The following SLC46A1 variants were observed in gnomAD, a reference collection of about 807,000 sequenced individuals.
SLC46A1 encodes the protein proton-coupled folate transporter.
A neutral mutation model predicts 32.1 loss-of-function variants in SLC46A1; 17 were observed. That is an observed-to-expected ratio of 0.53 (90% CI 0.36 to 0.79). The LOEUF (loss-of-function observed/expected upper bound fraction) is 0.79. SLC46A1 is among the 30% of genes least tolerant of loss of function. The pLI is 0.00. For missense variants in SLC46A1, 517 were observed against 588.2 expected (o/e 0.88, Z 1.25); for synonymous variants, 240 against 262.7 (o/e 0.91, Z 0.84).
chr17:28,401,071 G>T, intron 3 of SLC46A1: 1 of 387,534 alleles, frequency 2.6e-6, no homozygotes, highest in Non-Finnish European at 4.9e-6. Context: ...TCTGATGAAA[G>T]CTTGATGGAA....
Position 28,405,121 on chromosome 17 carries a change from C to T in SLC46A1, c.576G>A (p.Gly192=). 1.9e-6 allele frequency: 3 copies of T among 1,613,140 alleles called. No homozygotes were observed. The South Asian group carries it at 3.3e-5, about 18-fold the overall frequency. Residue 192 remains glycine (G), a synonymous_variant, in exon 2 of 5, where the codon GGG becomes GGA. Coordinates refer to ENST00000612814, the MANE Select transcript of SLC46A1 (RefSeq NM_080669.6). The stretch of plus-strand genomic sequence containing the variant: ...GGCCCCCGAGGAGGCTTGCCAGCAT[C>T]CCAGCCACCCCGATGCTGGCTTCCA... ...ALLEASIGVA[G]MLASLLGGHW...
Position 28,399,374 on chromosome 17 carries a change from A to G in SLC46A1, c.*282T>C. ...CCTCTGGCCTGTGGGGTTATAAGTGATGGATAGCAGAAAGGGAGAACTGAC... is the reference window on the plus strand; with the variant it reads ...CCTCTGGCCTGTGGGGTTATAAGTGGTGGATAGCAGAAAGGGAGAACTGAC... On this transcript the variant is annotated 3_prime_UTR_variant, in exon 5 of 5. Coordinates refer to ENST00000612814, the MANE Select transcript of SLC46A1 (RefSeq NM_080669.6). The G allele has an allele frequency of 4.4e-6, 2 of 457,446 alleles. No individual in the cohort carries two copies. Among genetic ancestry groups the G allele is most frequent in the Non-Finnish European group, 4.0e-6 (1 of 249,710 alleles). 28.3% of individuals were successfully genotyped at this position (457,446 alleles called of 1,614,324 possible).
At chr17:28,402,405 C>T in intron 2 of SLC46A1, 84 bp from the exon 3 acceptor site, 2 of 1,203,052 alleles carry the variant, frequency 1.7e-6, no homozygotes, top group South Asian at 1.3e-5. Flanking sequence ...CCTATCCATA[C>T]CCCACGTGGG....
In SLC46A1 at chr17:28,405,147, G is replaced by A. The variant is rs782404994; in HGVS notation, c.550C>T (p.Leu184=). 1.9e-6 allele frequency: 3 copies of A among 1,612,064 alleles called. No individual in the cohort carries two copies. Among genetic ancestry groups the A allele is most frequent in the African/African-American group, 2.7e-5 (2 of 74,892 alleles). ...SRSRTFRMAL[L]EASIGVAGML... is the part of the protein sequence containing the mutation. ...CCAGCCACCCCGATGCTGGCTTCCA[G>A]CAGGGCCATCCGGAAGGTGCGGCTG... Residue 184 remains leucine, a synonymous_variant, in exon 2 of 5, where the codon CTG becomes TTG. Coordinates refer to ENST00000612814, the MANE Select transcript of SLC46A1 (RefSeq NM_080669.6).
upstream of SLC46A1, chr17:28,406,480 C>T: frequency 4.4e-6 from 1 of 225,222 alleles, no homozygotes; most frequent in Non-Finnish European, 8.6e-6. This position sits in a 1 kb window ranked among gnomAD's most constrained non-coding sequence, Gnocchi z 4.5. Context: ...CGGTATTAAA[C>T]CCTTTTTGTG....
chr17:28,400,903 A>G (rs2068189210), intron 3 of SLC46A1, 137 bp from the exon 4 acceptor site: 1 of 772,786 alleles, frequency 1.3e-6, no homozygotes, highest in Non-Finnish European at 2.2e-6. Flanking sequence ...ATCCTGCTAC[A>G]TCATGTACTG....
In SLC46A1 at chr17:28,405,447, G is replaced by C. The variant is rs1555591076; in HGVS notation, c.250C>G (p.His84Asp). 6.3e-7 allele frequency: 1 copy of C among 1,596,176 alleles called. No homozygotes were observed. The highest frequency in any genetic ancestry group is 1.7e-5 in the Admixed American group (1 of 57,822). ...CCCACGTTCATGTAGAGGGTCCAGTGGGAGGTAAGGGTCTCCACTTCCTGT... is the reference window on the plus strand; with the variant it reads ...CCCACGTTCATGTAGAGGGTCCAGTCGGAGGTAAGGGTCTCCACTTCCTGT... Reference protein sequence around the residue: ...TMQEVETLTSHWTLYMNVGGF... With the variant: ...TMQEVETLTSDWTLYMNVGGF... Residue 84 changes from histidine (H) to aspartate (D), a missense_variant, in exon 2 of 5, where the codon CAC becomes GAC. Coordinates refer to ENST00000612814, the MANE Select transcript of SLC46A1 (RefSeq NM_080669.6).
At chr17:28,402,502 G>T (rs1336705969) in intron 2 of SLC46A1, 181 bp from the exon 3 acceptor site, 6 of 537,998 alleles carry the variant, frequency 1.1e-5, no homozygotes, top group Non-Finnish European at 1.7e-5. Flanking sequence ...CCTTGTCTGG[G>T]CTTGGCCACC....
In SLC46A1 at chr17:28,399,272, C is replaced by T; in HGVS notation, c.*384G>A. The T allele has an allele frequency of 4.5e-6, 1 of 224,364 alleles. No individual in the cohort carries two copies. Among genetic ancestry groups the T allele is most frequent in the Non-Finnish European group, 9.0e-6 (1 of 110,670 alleles). The allele number at this position is 224,364 out of a possible 1,614,324, so 13.9% of individuals were successfully genotyped here. A position where few individuals can be genotyped will look rare whatever the true frequency, so the allele number is the denominator to read the frequency against. The stretch of plus-strand genomic sequence containing the variant: ...TGTTGGGAACCTGGTTGGGGCTGTG[C>T]AGTTTGGGCTGGAAGGAGAGATGCC... On this transcript the variant is annotated 3_prime_UTR_variant, in exon 5 of 5. Coordinates refer to ENST00000612814, the MANE Select transcript of SLC46A1 (RefSeq NM_080669.6).
At position 28,400,595 on chromosome 17, in the gene SLC46A1, A is replaced by G; in HGVS notation, c.1322+15T>C. On this transcript the variant is annotated intron_variant, in intron 4 of 4. Coordinates refer to ENST00000612814, the MANE Select transcript of SLC46A1 (RefSeq NM_080669.6). Reference sequence around the variant, plus strand: ...AGGGCTCCATTATGAGCATGGGTTCAGGGCCCTGCATTACCCAATCAGAAC... The same window carrying G: ...AGGGCTCCATTATGAGCATGGGTTCGGGGCCCTGCATTACCCAATCAGAAC... The G allele has an allele frequency of 1.2e-6, 2 of 1,613,502 alleles. No homozygotes were observed. Among genetic ancestry groups the G allele is most frequent in the East Asian group, 2.2e-5 (1 of 44,870 alleles).
Position 28,395,779 on chromosome 17 carries a change from G to GGACATCAGGACCCTT in SLC46A1, c.*3876_*3877insAAGGGTCCTGATGTC. Reference sequence around the variant, plus strand: ...CAAGGGTTAAGGTAGACATCAAGGTGGACATCAGGACTGGTGTCCTGCCCT... The same window carrying GGACATCAGGACCCTT: ...CAAGGGTTAAGGTAGACATCAAGGTGGACATCAGGACCCTTGACATCAGGACTGGTGTCCTGCCCT... On this transcript the variant is annotated 3_prime_UTR_variant, in exon 5 of 5. Coordinates refer to ENST00000612814, the MANE Select transcript of SLC46A1 (RefSeq NM_080669.6). 1 of 913,344 alleles carries GGACATCAGGACCCTT rather than the reference G, an allele frequency of 1.1e-6. No homozygotes were observed. The highest frequency in any genetic ancestry group is 2.4e-5 in the East Asian group (1 of 41,296). 56.6% of individuals were successfully genotyped at this position (913,344 alleles called of 1,614,324 possible). A position where few individuals can be genotyped will look rare whatever the true frequency, so the allele number is the denominator to read the frequency against.
At position 28,395,625 on chromosome 17, in the gene SLC46A1, C is replaced by A. The variant is rs1043294013; in HGVS notation, c.*4031G>T. ...TCTAGGCTACCCCCATAGCACCCCC[C>A]GGGCCCCCAGTGGGGAATCATCTCT... On this transcript the variant is annotated 3_prime_UTR_variant, in exon 5 of 5. Coordinates refer to ENST00000612814, the MANE Select transcript of SLC46A1 (RefSeq NM_080669.6). 5.3e-6 allele frequency: 2 copies of A among 379,334 alleles called. No individual in the cohort carries two copies. Among genetic ancestry groups the A allele is most frequent in the Non-Finnish European group, 9.8e-6 (2 of 204,680 alleles). 23.5% of individuals were successfully genotyped at this position (379,334 alleles called of 1,614,324 possible). A position where few individuals can be genotyped will look rare whatever the true frequency, so the allele number is the denominator to read the frequency against.
At position 28,396,422 on chromosome 17, in the gene SLC46A1, C is replaced by T. The variant is rs189192075; in HGVS notation, c.*3234G>A. 1 of 994,488 alleles carries T rather than the reference C, an allele frequency of 1.0e-6. No individual in the cohort carries two copies. Among genetic ancestry groups the T allele is most frequent in the Non-Finnish European group, 1.5e-6 (1 of 670,152 alleles). 61.6% of individuals were successfully genotyped at this position (994,488 alleles called of 1,614,324 possible). A position where few individuals can be genotyped will look rare whatever the true frequency, so the allele number is the denominator to read the frequency against. On this transcript the variant is annotated 3_prime_UTR_variant, in exon 5 of 5. Coordinates refer to ENST00000612814, the MANE Select transcript of SLC46A1 (RefSeq NM_080669.6). ...GGAAATGGCTCTCCCTCCCCCTGTC[C>T]CCCACCCTCATGGCCCACCTCCAAC...
rs1290305167 is a variant in SLC46A1 at position 28,406,163 on chromosome 17, C to G, written c.-49G>C. On this transcript the variant is annotated 5_prime_UTR_variant, in exon 1 of 5. Transcript: ENST00000612814. This position sits in a 1 kb window ranked among gnomAD's most constrained non-coding sequence, Gnocchi z 4.5. ...CCAGGCGGGCGGCGGGGCGCGCGAG[C>G]GACTCGCTGCCTGGGACCAGCGACG... 3 of 1,294,826 alleles carry G rather than the reference C, an allele frequency of 2.3e-6. No homozygotes were observed. The highest frequency in any genetic ancestry group is 3.0e-6 in the Non-Finnish European group (3 of 1,012,240). The allele number at this position is 1,294,826 out of a possible 1,614,324, so 80.2% of individuals were successfully genotyped here.
At position 28,405,314 on chromosome 17, in the gene SLC46A1, G is replaced by A. The variant is rs782039362; in HGVS notation, c.383C>T (p.Ala128Val). The A allele has an allele frequency of 1.6e-5, 26 of 1,589,320 alleles. No individual in the cohort carries two copies. Among genetic ancestry groups the A allele is most frequent in the Non-Finnish European group, 2.2e-5 (26 of 1,168,624 alleles). The change falls in exon 2 of 5, where the codon GCC becomes GTC. Residue 128 changes from alanine (A) to valine (V), a missense_variant. Ala to Val is a moderately conservative substitution (Grantham distance 64). Transcript: ENST00000612814. ...VLASLGLLLQ[A>V]LVSVFVVQLQ... ...CTGCACCACAAAAACGGACACTAGGGCCTGGAGCAGCAGGCCCAGCGAGGC... is the reference window on the plus strand; with the variant it reads ...CTGCACCACAAAAACGGACACTAGGACCTGGAGCAGCAGGCCCAGCGAGGC...
chr17:28,405,993 G>C lies in SLC46A1; in HGVS notation c.122C>G (p.Pro41Arg). 6.2e-7 allele frequency: 1 copy of C among 1,611,262 alleles called. No individual in the cohort carries two copies. Among genetic ancestry groups the C allele is most frequent in the Non-Finnish European group, 8.5e-7 (1 of 1,179,210 alleles). ...GTGCCACAGATACTGCGTGGTGAGC[G>C]GGCCCTGCAGGACCAAGGCAAAGTT... ...LANFALVLQG[P>R]LTTQYLWHRF... Residue 41 changes from proline (P) to arginine (R), a missense_variant, in exon 1 of 5, where the codon CCG becomes CGG. Transcript: ENST00000612814.
chr17:28,404,457 G>T, intron 2 of SLC46A1, 159 bp downstream of exon 2: 2 of 905,070 alleles, frequency 2.2e-6, no homozygotes, highest in Non-Finnish European at 1.7e-6. Context: ...TGGCATTTTT[G>T]AGGGATTTCT....
In SLC46A1 at chr17:28,395,955, T is replaced by C; in HGVS notation, c.*3701A>G. On this transcript the variant is annotated 3_prime_UTR_variant, in exon 5 of 5. Coordinates refer to ENST00000612814, the MANE Select transcript of SLC46A1 (RefSeq NM_080669.6). ...GCAAGAACATTGTGCCCATCATTGATGGCTTCGAGTGGCCTGAGCCCCAGG... is the reference window on the plus strand; with the variant it reads ...GCAAGAACATTGTGCCCATCATTGACGGCTTCGAGTGGCCTGAGCCCCAGG... 6.2e-7 allele frequency: 1 copy of C among 1,613,990 alleles called. No homozygotes were observed. The highest frequency in any genetic ancestry group is 8.5e-7 in the Non-Finnish European group (1 of 1,179,876).
intron 4 of SLC46A1, 101 bp downstream of exon 4, chr17:28,400,508 AG>A: frequency 6.8e-7 from 1 of 1,480,502 alleles, no homozygotes; most frequent in Non-Finnish European, 9.1e-7. Flanking sequence ...CCAGAGGGTA[AG>A]GATTCCAGGA....
Sources: allele counts gnomAD v4.1 joint callset, GRCh38; gene constraint gnomAD v4.1.1; non-coding constraint Gnocchi (gnomAD v3.1); transcripts MANE v1.5; gene names NCBI Gene and HGNC (gene_info 2026-07-23, HGNC 2026-07-21).